Variants in ROBO1 observed in about 807,000 individuals in gnomAD.
ROBO1 encodes roundabout homolog 1.
ROBO1 carries 149 observed loss-of-function variants against 195.9 expected under a neutral mutation model. The ratio of observed to expected loss-of-function variants is 0.76; its 90% CI spans 0.67 to 0.87. ROBO1 has a LOEUF of 0.87. Ranked by LOEUF, ROBO1 falls within the 40% of genes least tolerant of loss-of-function variation. ROBO1 has a pLI of 0.00. For missense variants in ROBO1, 1,933 were observed against 2,068.3 expected, an observed-to-expected ratio of 0.93 and a Z score of 1.27; for synonymous variants, 816 against 733.2, an observed-to-expected ratio of 1.11 and a Z score of -1.82.
intron 10 of ROBO1, among the ~76,000 whole-genome samples, chr3:78,676,440 G>A (rs1018460507): frequency 6.6e-6 from 1 of 152,134 alleles, no homozygotes; most frequent in African/African-American, 2.4e-5. Flanking sequence ...AAATTTAGAC[G>A]AATGTATAAC....
intron 4 of ROBO1, among the ~76,000 whole-genome samples, chr3:78,784,357 GGGC>G (rs1164520884): frequency 1.3e-5 from 2 of 152,070 alleles, no homozygotes; most frequent in East Asian, 3.9e-4. Context: ...TTAGTCATGA[GGGC>G]TTTGATTATC....
At chr3:79,591,805 G>T (rs1357591566) in intron 1 of ROBO1, among the ~76,000 whole-genome samples, 2 of 151,482 alleles carry the variant, frequency 1.3e-5, no homozygotes, top group Non-Finnish European at 2.9e-5. Flanking sequence ...TTTCTGCTTG[G>T]CTGGCTTTTG....
Position 78,661,231 on chromosome 3 carries a change from A to G in ROBO1, c.2119T>C (p.Tyr707His), listed in dbSNP as rs1707381589. 6.2e-7 allele frequency: 1 copy of G among 1,609,830 alleles called. No individual in the cohort carries two copies. Among genetic ancestry groups the G allele is most frequent in the Non-Finnish European group, 8.5e-7 (1 of 1,177,570 alleles). Residue 707 changes from tyrosine (Y) to histidine (H), a missense_variant, in exon 16 of 31, where the codon TAT becomes CAT. This residue lies in a region of ROBO1 where 1,737 missense variants were observed against 1,882.5 expected (regional missense o/e 0.92). Coordinates refer to ENST00000464233, the MANE Select transcript of ROBO1 (RefSeq NM_002941.4). ...VDQQSQYIQG[Y>H]KILYRPSGAN... ...CCAGATGGCCGATAGAGAATTTTAT[A>G]TCCTTGTATATACTGAGACTGTTGA...
intron 4 of ROBO1, among the ~76,000 whole-genome samples, chr3:78,876,424 G>C (rs984892965): frequency 1.3e-5 from 2 of 152,100 alleles, no homozygotes; most frequent in African/African-American, 2.4e-5. Context: ...TTGTCGTATA[G>C]TCTATTAATA....
chr3:78,917,363 A>C (rs1180169345), intron 4 of ROBO1, among the ~76,000 whole-genome samples: 2 of 151,898 alleles, frequency 1.3e-5, no homozygotes, highest in Admixed American at 1.3e-4. Context: ...TTTTTAAATG[A>C]CTATTTACTT....
intron 2 of ROBO1, among the ~76,000 whole-genome samples, chr3:79,445,126 T>C (rs2039195481): frequency 6.6e-6 from 1 of 152,052 alleles, no homozygotes. Context: ...CTTTGTCTCA[T>C]TCCAGTTGTT....
intron 1 of ROBO1, among the ~76,000 whole-genome samples, chr3:79,598,399 C>A (rs567191872): frequency 1.3e-5 from 2 of 152,074 alleles, no homozygotes; most frequent in South Asian, 4.1e-4. Context: ...CTGCTATACT[C>A]CTAGACTTCC....
intron 14 of ROBO1, among the ~76,000 whole-genome samples, chr3:78,663,765 T>C (rs768976394): frequency 1.2e-4 from 18 of 152,204 alleles, no homozygotes; most frequent in Non-Finnish European, 2.6e-4. Flanking sequence ...TATAGCATAG[T>C]GCCATATACA....
intron 2 of ROBO1, among the ~76,000 whole-genome samples, chr3:79,542,972 A>G (rs1942131378): frequency 6.6e-6 from 1 of 152,112 alleles, no homozygotes; most frequent in African/African-American, 2.4e-5. Context: ...TATAAAATAT[A>G]ACACTTCATA....
chr3:79,299,081 A>T lies in ROBO1; in HGVS notation c.89-173542T>A, dbSNP rs555155763. Among the ~76,000 whole-genome samples, 9 of 152,270 alleles carry T rather than the reference A, an allele frequency of 5.9e-5. No individual in the cohort carries two copies. In the South Asian group the frequency reaches 1.9e-3, roughly 32 times the overall value. ...AAAAGCTAAATACTTTTTTGGCACA[A>T]TTGAACCTTCTATTTCTGTGCATGA... is the stretch of plus-strand genomic sequence containing the variant. On this transcript the variant is annotated intron_variant, in intron 2 of 30. Coordinates refer to ENST00000464233, the MANE Select transcript of ROBO1 (RefSeq NM_002941.4).
At chr3:79,080,415 A>G (rs2079251096) in intron 3 of ROBO1, among the ~76,000 whole-genome samples, 7 of 151,990 alleles carry the variant, frequency 4.6e-5, no homozygotes, top group Admixed American at 4.6e-4. Flanking sequence ...AAGTTTAAGT[A>G]TACTAACATA....
chr3:78,611,632 C>T (rs1703819624), intron 28 of ROBO1, among the ~76,000 whole-genome samples: 1 of 152,188 alleles, frequency 6.6e-6, no homozygotes, highest in Non-Finnish European at 1.5e-5. Flanking sequence ...GGCCACAATG[C>T]CGGGTGTCAG....
chr3:79,003,615 A>G (rs1559580064), intron 3 of ROBO1, among the ~76,000 whole-genome samples: 1 of 152,178 alleles, frequency 6.6e-6, no homozygotes, highest in African/African-American at 2.4e-5. Context: ...AAAAGAAAGC[A>G]CACAAAGAAA....
chr3:79,348,044 C>T (rs2035191367), intron 2 of ROBO1, among the ~76,000 whole-genome samples: 1 of 151,876 alleles, frequency 6.6e-6, no homozygotes, highest in Non-Finnish European at 1.5e-5. Context: ...AAACCCGTCT[C>T]TACCAAAAAC....
chr3:79,678,084 T>C (rs1162908918), intron 1 of ROBO1, among the ~76,000 whole-genome samples: 10 of 152,070 alleles, frequency 6.6e-5, no homozygotes, highest in South Asian at 4.1e-4. Flanking sequence ...GGCAATATAA[T>C]AGCAGGGTTC....
intron 2 of ROBO1, among the ~76,000 whole-genome samples, chr3:79,211,379 T>C (rs1226718099): frequency 6.6e-6 from 1 of 152,282 alleles, no homozygotes; most frequent in African/African-American, 2.4e-5. Context: ...TAATTTAAGA[T>C]AAATATATTT....
At chr3:78,890,541 C>T (rs903278086) in intron 4 of ROBO1, among the ~76,000 whole-genome samples, 3 of 152,024 alleles carry the variant, frequency 2.0e-5, no homozygotes, top group African/African-American at 7.3e-5. Context: ...GTTATAGGAG[C>T]CCAAACTGAT....
intron 3 of ROBO1, among the ~76,000 whole-genome samples, chr3:78,990,789 G>A (rs1052104717): frequency 3.9e-5 from 6 of 152,078 alleles, no homozygotes; most frequent in Non-Finnish European, 8.8e-5. Flanking sequence ...AGCACTCATA[G>A]AAGTCCCATC....
chr3:79,063,170 TA>T (rs375603696), intron 3 of ROBO1, among the ~76,000 whole-genome samples: 4 of 151,906 alleles, frequency 2.6e-5, no homozygotes, highest in Middle Eastern at 3.4e-3. Flanking sequence ...TGTGTTCCCA[TA>T]ACATTTTATG....
Sources: gnomAD v4.1 joint callset for allele counts (sites outside exome capture counted in the v4.1 genomes callset) on GRCh38, gnomAD v4.1.1 for gene constraint, gnomAD v4.1.1 regional missense constraint, MANE v1.5 for transcripts, NCBI Gene and HGNC (gene_info 2026-07-23, HGNC 2026-07-21) for gene names.